The following FILIP1L variants were observed in gnomAD, a reference collection of about 807,000 sequenced individuals.
The protein encoded by FILIP1L is filamin A interacting protein 1 like, also known as filamin A-interacting protein 1-like.
FILIP1L carries 55 observed loss-of-function variants against 96.6 expected under a neutral mutation model. That is an observed-to-expected ratio of 0.57 (90% CI 0.46 to 0.71). FILIP1L has a LOEUF of 0.71. Ranked by LOEUF, FILIP1L falls within the 30% of genes least tolerant of loss-of-function variation. The probability of loss-of-function intolerance (pLI) is 0.00; values close to 1 mark genes in which losing one functional copy is unlikely to be tolerated. For missense variants in FILIP1L, 1,304 were observed against 1,321.2 expected (o/e 0.99, Z 0.20); for synonymous variants, 467 against 473.9 (o/e 0.99, Z 0.19).
intron 1 of FILIP1L, among the ~76,000 whole-genome samples, chr3:99,938,055 G>A (rs902060777): frequency 2.4e-5 from 2 of 83,006 alleles, no homozygotes; most frequent in South Asian, 8.2e-4. Context: ...CAGGAAGTGT[G>A]TGTGTGTGTG....
chr3:99,859,290 C>T (rs575873960), intron 4 of FILIP1L, among the ~76,000 whole-genome samples: 25 of 152,342 alleles, frequency 1.6e-4, no homozygotes, highest in African/African-American at 5.5e-4. Flanking sequence ...TCCCCAAAAC[C>T]TGCCTGTATT....
intron 4 of FILIP1L, among the ~76,000 whole-genome samples, chr3:99,913,230 G>A (rs1048733240): frequency 5.9e-5 from 9 of 152,172 alleles, no homozygotes; most frequent in African/African-American, 2.2e-4. Context: ...TGTCATCACA[G>A]CCCCAGCGGA....
rs1209242716 is a variant in FILIP1L at position 99,987,528 on chromosome 3, CAAAAAAA to C, written c.-10-56505_-10-56499del. On this transcript the variant is annotated intron_variant, in intron 1 of 5. Coordinates refer to ENST00000477258, the MANE Select transcript of FILIP1L (RefSeq NM_001387850.1). ...TGGGTGACAGAGCGAGATTCTGTCTCAAAAAAAAAAAAAAAAAAGAAAGAAAGAAAAA... is the reference window on the plus strand; with the variant it reads ...TGGGTGACAGAGCGAGATTCTGTCTCAAAAAAAAAAAGAAAGAAAGAAAAA... Among the ~76,000 whole-genome samples the C allele has an allele frequency of 8.7e-5, 5 of 57,182 alleles. No homozygotes were observed. The East Asian group carries it at 2.1e-3, about 24-fold the overall frequency. The allele number at this position is 57,182 out of a possible 152,430, so 37.5% of individuals were successfully genotyped here.
rs1034505010 is a variant in FILIP1L, at chr3:99,828,853, C to T, written c.*1561G>A. On this transcript the variant is annotated 3_prime_UTR_variant, in exon 6 of 6. Coordinates refer to ENST00000477258, the MANE Select transcript of FILIP1L (RefSeq NM_001387850.1). ...TCAGGCTTTTAATTCACTTGACCTCCCCCTACTGCCCTCTGCCACTTGCCT... is the reference window on the plus strand; with the variant it reads ...TCAGGCTTTTAATTCACTTGACCTCTCCCTACTGCCCTCTGCCACTTGCCT... 4.6e-5 allele frequency among the ~76,000 whole-genome samples: 7 copies of T among 152,070 alleles called. No individual in the cohort carries two copies. Among genetic ancestry groups the T allele is most frequent in the African/African-American group, 1.7e-4 (7 of 41,386 alleles).
intron 1 of FILIP1L, among the ~76,000 whole-genome samples, chr3:100,078,372 G>A (rs921222631): frequency 3.3e-5 from 5 of 152,030 alleles, no homozygotes; most frequent in African/African-American, 9.7e-5. Flanking sequence ...CATGTAGAAC[G>A]ATGACATAAC....
intron 4 of FILIP1L, among the ~76,000 whole-genome samples, chr3:99,894,693 G>A (rs142337074): frequency 2.0e-5 from 3 of 152,250 alleles, no homozygotes; most frequent in African/African-American, 7.2e-5. Context: ...TATTAATTAT[G>A]GAGTTGATTC....
chr3:100,057,498 G>A (rs1347208245), intron 1 of FILIP1L, among the ~76,000 whole-genome samples: 1 of 152,098 alleles, frequency 6.6e-6, no homozygotes, highest in Non-Finnish European at 1.5e-5. Flanking sequence ...CATGTTCTTG[G>A]GTAACACTAA....
chr3:99,971,805 G>A (rs1371193277), intron 1 of FILIP1L, among the ~76,000 whole-genome samples: 1 of 152,196 alleles, frequency 6.6e-6, no homozygotes, highest in African/African-American at 2.4e-5. Context: ...AACAGAGTCG[G>A]TTCCTAGCTT....
At chr3:100,014,881 TTTTTTCTTTCTTTC>T (rs1710280203) in intron 1 of FILIP1L, among the ~76,000 whole-genome samples, 9 of 135,184 alleles carry the variant, frequency 6.7e-5, no homozygotes, top group South Asian at 2.6e-4. Flanking sequence ...TTTCTTTTTT[TTTTTTCTTTCTTTC>T]TTTTTTTTTT....
chr3:99,890,410 A>G (rs1706046436), intron 4 of FILIP1L, among the ~76,000 whole-genome samples: 1 of 152,096 alleles, frequency 6.6e-6, no homozygotes, highest in Non-Finnish European at 1.5e-5. Flanking sequence ...CAGTTCTAGA[A>G]AATTCTTAGT....
chr3:99,882,675 G>A (rs1030425935), intron 4 of FILIP1L, among the ~76,000 whole-genome samples: 1 of 152,140 alleles, frequency 6.6e-6, no homozygotes, highest in Non-Finnish European at 1.5e-5. Context: ...CAGTCACTGT[G>A]TTTTCTGGGA....
Position 99,966,126 on chromosome 3 carries a change from T to C in FILIP1L, c.-10-35096A>G, listed in dbSNP as rs1295285948. 2.6e-5 allele frequency among the ~76,000 whole-genome samples: 4 copies of C among 152,204 alleles called. No homozygotes were observed. In the East Asian group the frequency reaches 7.7e-4, roughly 29 times the overall value. On this transcript the variant is annotated intron_variant, in intron 1 of 5. Coordinates refer to ENST00000477258, the MANE Select transcript of FILIP1L (RefSeq NM_001387850.1). Reference sequence around the variant, plus strand: ...AGGGATATCTCTCTCACAATATCTCTTAGGAAAGGTAAATAAAATGTTCAC... The same window carrying C: ...AGGGATATCTCTCTCACAATATCTCCTAGGAAAGGTAAATAAAATGTTCAC...
intron 1 of FILIP1L, among the ~76,000 whole-genome samples, chr3:100,086,180 A>G (rs143116817): frequency 0.011 from 1,634 of 152,350 alleles, 35 homozygotes; most frequent in African/African-American, 0.036. Context: ...TGGCAGTGGT[A>G]GAGAGTCTTT....
chr3:99,850,629 C>T lies in FILIP1L; in HGVS notation c.1047G>A (p.Glu349=), dbSNP rs371654121. 8.4e-5 allele frequency: 135 copies of T among 1,613,866 alleles called. No homozygotes were observed. Among genetic ancestry groups the T allele is most frequent in the Middle Eastern group, 3.3e-4 (2 of 6,084 alleles). The change falls in exon 5 of 6, where the codon GAG becomes GAA. Residue 349 remains glutamate, a synonymous_variant. Coordinates refer to ENST00000477258, the MANE Select transcript of FILIP1L (RefSeq NM_001387850.1). ...ETNRSLRKAE[E]ELQDIKEKIS... ...TTTTTTCTTTTATATCTTGCAGCTC[C>T]TCTTCTGCTTTTCGTAAAGACCTGT... is the stretch of plus-strand genomic sequence containing the variant.
At chr3:99,856,749 G>C (rs1464762924) in intron 4 of FILIP1L, among the ~76,000 whole-genome samples, 1 of 152,160 alleles carries the variant, frequency 6.6e-6, no homozygotes, top group Non-Finnish European at 1.5e-5. Context: ...GATACACTCA[G>C]AGGGTTTTTT....
chr3:99,893,079 C>T (rs919736244), intron 4 of FILIP1L, among the ~76,000 whole-genome samples: 3 of 151,298 alleles, frequency 2.0e-5, no homozygotes, highest in African/African-American at 7.3e-5. Flanking sequence ...TCAAGTGTTA[C>T]TGGGAAGAAA....
At chr3:100,079,619 CAGAA>C (rs2065901267) in intron 1 of FILIP1L, among the ~76,000 whole-genome samples, 1 of 152,118 alleles carries the variant, frequency 6.6e-6, no homozygotes, top group South Asian at 2.1e-4. Context: ...GGTGTGGAAT[CAGAA>C]TCCTCTTTCA....
At chr3:99,992,504 T>C (rs1709553620) in intron 1 of FILIP1L, among the ~76,000 whole-genome samples, 1 of 152,130 alleles carries the variant, frequency 6.6e-6, no homozygotes, top group Non-Finnish European at 1.5e-5. Context: ...TACTTTTAAA[T>C]GGGGTTATTT....
At chr3:99,986,346 A>G (rs537399977) in intron 1 of FILIP1L, among the ~76,000 whole-genome samples, 1 of 152,318 alleles carries the variant, frequency 6.6e-6, no homozygotes, top group Admixed American at 6.5e-5. Flanking sequence ...AAGACATATC[A>G]TTGTAAAATA....
Sources: allele counts gnomAD v4.1 joint callset (sites outside exome capture counted in the v4.1 genomes callset), GRCh38; gene constraint gnomAD v4.1.1; transcripts MANE v1.5; gene names NCBI Gene and HGNC (gene_info 2026-07-23, HGNC 2026-07-21).